Variants in PKD1L3 observed in about 807,000 individuals in gnomAD.
The protein encoded by PKD1L3 is polycystin-1-like protein 3.
A neutral mutation model predicts 184.1 loss-of-function variants in PKD1L3; 239 were observed. The ratio of observed to expected loss-of-function variants is 1.30; its 90% CI spans 1.17 to 1.45. PKD1L3 has a LOEUF of 1.45. Ranked by LOEUF, PKD1L3 falls within the 40% of genes most tolerant of loss-of-function variation. PKD1L3 has a pLI of 0.00. For synonymous variants in PKD1L3, 996 were observed against 778.8 expected (o/e 1.28, Z -4.64); for missense variants, 2,660 against 2,067.2 (o/e 1.29, Z -5.56).
chr16:71,956,325 C>G (rs1377038258), intron 16 of PKD1L3, among the ~76,000 whole-genome samples: 2 of 150,664 alleles, frequency 1.3e-5, no homozygotes, highest in Admixed American at 1.3e-4. Context: ...TCCCAAGTAG[C>G]TGGGATTACA....
intron 12 of PKD1L3, 81 bp downstream of exon 12, chr16:71,973,243 C>A: frequency 7.0e-7 from 1 of 1,430,028 alleles, no homozygotes. Flanking sequence ...TTCTGGGCTG[C>A]CCCAAATGAG....
In PKD1L3 at chr16:71,977,391, GT is replaced by G; in HGVS notation, c.1603del (p.Thr535GlnfsTer2). 6.4e-7 allele frequency: 1 copy of G among 1,551,544 alleles called. No homozygotes were observed. Among genetic ancestry groups the G allele is most frequent in the Non-Finnish European group, 8.7e-7 (1 of 1,146,856 alleles). Reference sequence around the variant, plus strand: ...TTTCTCCAAGGAAGTGACGTTCACTGTGATTGTAAGCTGATGTGTGCTCATG... The same window carrying G: ...TTTCTCCAAGGAAGTGACGTTCACTGGATTGTAAGCTGATGTGTGCTCATG... The part of the protein sequence containing the change: ...LNMSTHQLTI[T>X]VNVTSLEKSL... On this transcript the variant is annotated frameshift_variant, in exon 11 of 30. Transcript: ENST00000620267. LOFTEE classifies it high-confidence loss of function.
In PKD1L3 at chr16:71,933,959, A is replaced by G; in HGVS notation, c.4780T>C (p.Phe1594Leu). 5 of 1,551,568 alleles carry G rather than the reference A, an allele frequency of 3.2e-6. No individual in the cohort carries two copies. Among genetic ancestry groups the G allele is most frequent in the Non-Finnish European group, 4.4e-6 (5 of 1,146,974 alleles). Reference protein sequence around the residue: ...LSRAWDEVVGFLLIILILLTG... With the variant: ...LSRAWDEVVGLLLIILILLTG... Reference sequence around the variant, plus strand: ...AGCAGGATTAGGATGATCAGCAGAAAGCCCACCACCTCGTCCCAGGCTCGG... The same window carrying G: ...AGCAGGATTAGGATGATCAGCAGAAGGCCCACCACCTCGTCCCAGGCTCGG... Residue 1594 changes from phenylalanine (F) to leucine (L), a missense_variant, in exon 27 of 30, where the codon TTT (phenylalanine) becomes CTT (leucine). By Grantham distance (22) the Phe-to-Leu change is conservative. Coordinates refer to ENST00000620267, the MANE Select transcript of PKD1L3 (RefSeq NM_181536.2).
chr16:71,931,378 C>A (rs2037956796), intron 28 of PKD1L3, among the ~76,000 whole-genome samples: 1 of 151,700 alleles, frequency 6.6e-6, no homozygotes, highest in Non-Finnish European at 1.5e-5. Context: ...CCCACAGGTA[C>A]CAAAATCTGA....
intron 4 of PKD1L3, among the ~76,000 whole-genome samples, chr16:71,987,846 T>C (rs1467855388): frequency 6.6e-6 from 1 of 152,008 alleles, no homozygotes; most frequent in Non-Finnish European, 1.5e-5. Flanking sequence ...GAGAGAGAGC[T>C]CTGCCCATAG....
intron 24 of PKD1L3, 44 bp downstream of exon 24, chr16:71,942,516 T>C (rs752009809): frequency 1.4e-6 from 2 of 1,478,618 alleles, no homozygotes; most frequent in South Asian, 1.3e-5. Flanking sequence ...TTGAACAGCC[T>C]TCTTTGCTAC....
intron 15 of PKD1L3, among the ~76,000 whole-genome samples, chr16:71,964,309 C>CTT (rs772995457): frequency 1.8e-5 from 1 of 56,592 alleles, no homozygotes; most frequent in Non-Finnish European, 3.2e-5. Flanking sequence ...TCGTCAAAAT[C>CTT]TTTTTTTTTT....
chr16:71,951,699 G>C lies in PKD1L3; in HGVS notation c.3055C>G (p.Leu1019Val), dbSNP rs1395293885. The change falls in exon 19 of 30, where the codon CTA becomes GTA. Residue 1019 changes from leucine to valine, a missense_variant. Leu to Val is a conservative substitution (Grantham distance 32). Transcript: ENST00000620267. ...VRFLLRRNTY[L>V]LSKCEQPPWS... ...GGCGGCTGCTCACACTTGGAGAGTA[G>C]GTATGTATTTCTCCTGAGCAGGAAT... is the stretch of plus-strand genomic sequence containing the variant. The C allele has an allele frequency of 6.4e-7, 1 of 1,551,574 alleles. No individual in the cohort carries two copies. Among genetic ancestry groups the C allele is most frequent in the Non-Finnish European group, 8.7e-7 (1 of 1,146,928 alleles).
rs140449035 is a variant in PKD1L3, at chr16:71,995,173, G to A, written c.419-1841C>T. On this transcript the variant is annotated intron_variant, in intron 2 of 29. Coordinates refer to ENST00000620267, the MANE Select transcript of PKD1L3 (RefSeq NM_181536.2). ...GGAGTTGGGGGAAGGCTGCAACCTC[G>A]TAAGGTGAAAAGGCAAGAGAAGCCC... 1.3e-4 allele frequency among the ~76,000 whole-genome samples: 20 copies of A among 152,212 alleles called. 1 individual carries two copies. In the East Asian group the frequency reaches 1.7e-3, roughly 13 times the overall value.
At chr16:71,990,473 C>G in intron 3 of PKD1L3, 144 bp from the exon 4 acceptor site, 2 of 599,278 alleles carry the variant, frequency 3.3e-6, no homozygotes, top group South Asian at 3.9e-5. Flanking sequence ...TAGCTCATGT[C>G]TGTAATCCCA....
rs2038784381 is a variant in PKD1L3 at position 71,950,388 on chromosome 16, A to G, written c.3191-78T>C. 3.2e-6 allele frequency: 4 copies of G among 1,265,838 alleles called. No homozygotes were observed. In the South Asian group the frequency reaches 6.0e-5, roughly 19 times the overall value. The allele number at this position is 1,265,838 out of a possible 1,614,324, so 78.4% of individuals were successfully genotyped here. On this transcript the variant is annotated intron_variant, in intron 19 of 29. Coordinates refer to ENST00000620267, the MANE Select transcript of PKD1L3 (RefSeq NM_181536.2). Reference sequence around the variant, plus strand: ...AATTAGTGGTAGAGATTAACAATTCATTGATGGATGATGAGGCTATATTTT... The same window carrying G: ...AATTAGTGGTAGAGATTAACAATTCGTTGATGGATGATGAGGCTATATTTT...
At chr16:71,993,154 C>A (rs951629660) in intron 3 of PKD1L3, 62 bp downstream of exon 3, 3 of 1,176,266 alleles carry the variant, frequency 2.6e-6, no homozygotes, top group Non-Finnish European at 3.6e-6. Context: ...CAGTCTTGTG[C>A]ATTCTTTTAG....
At chr16:71,975,217 G>A (rs1316177253) in intron 11 of PKD1L3, among the ~76,000 whole-genome samples, 9 of 118,472 alleles carry the variant, frequency 7.6e-5, no homozygotes, top group East Asian at 2.8e-4. Flanking sequence ...CACCACGCTC[G>A]GCTAATTTTT....
chr16:71,972,633 G>A (rs1309960519), intron 12 of PKD1L3, among the ~76,000 whole-genome samples: 1 of 151,832 alleles, frequency 6.6e-6, no homozygotes, highest in African/African-American at 2.4e-5. Context: ...GCAGTAAGCC[G>A]TGATCATGCC....
At chr16:71,961,712 G>A (rs1490252976) in intron 16 of PKD1L3, among the ~76,000 whole-genome samples, 4 of 152,046 alleles carry the variant, frequency 2.6e-5, no homozygotes, top group African/African-American at 9.7e-5. Flanking sequence ...AAGATCCCAA[G>A]GGAAAACTCC....
intron 7 of PKD1L3, 43 bp from the exon 8 acceptor site, chr16:71,980,177 T>A (rs150559427): frequency 6.5e-7 from 1 of 1,533,440 alleles, no homozygotes; most frequent in Admixed American, 2.0e-5. Flanking sequence ...AAAACCTCAG[T>A]GTCTTATGTT....
chr16:71,991,959 C>A (rs2040606578), intron 3 of PKD1L3, among the ~76,000 whole-genome samples: 1 of 152,176 alleles, frequency 6.6e-6, no homozygotes, highest in African/African-American at 2.4e-5. Flanking sequence ...AGGCATGGAC[C>A]ACCACATCTA....
chr16:71,942,545 G>A lies in PKD1L3; in HGVS notation c.4324+15C>T, dbSNP rs1411123675. 10 of 1,539,806 alleles carry A rather than the reference G, an allele frequency of 6.5e-6. No homozygotes were observed. The highest frequency in any genetic ancestry group is 4.1e-5 in the African/African-American group (3 of 72,670). On this transcript the variant is annotated intron_variant, in intron 24 of 29. Coordinates refer to ENST00000620267, the MANE Select transcript of PKD1L3 (RefSeq NM_181536.2). ...TTGCTACGTGTGGTTGAATTCCAGG[G>A]GTCACTCCAGTTACCTCTCATGATG...
At chr16:71,992,709 G>A (rs1284135196) in intron 3 of PKD1L3, among the ~76,000 whole-genome samples, 3 of 152,082 alleles carry the variant, frequency 2.0e-5, no homozygotes, top group Non-Finnish European at 2.9e-5. Flanking sequence ...AGGGTTTGTT[G>A]ATCAGGACAT....
Sources: allele counts gnomAD v4.1 joint callset (sites outside exome capture counted in the v4.1 genomes callset), GRCh38; gene constraint gnomAD v4.1.1; transcripts MANE v1.5; gene names NCBI Gene and HGNC (gene_info 2026-07-23, HGNC 2026-07-21).